IL18R1: variants seen among roughly 807,000 people sequenced by gnomAD.
IL18R1 encodes interleukin-18 receptor 1.
In IL18R1, 40 loss-of-function variants were observed where a neutral mutation model predicts 48.5. The observed-to-expected ratio is 0.82, with a 90% confidence interval of 0.64 to 1.07. The LOEUF is 1.07. Among genes scored for constraint, IL18R1 ranks in the 50% least tolerant of loss-of-function variants. The pLI is 0.00. For missense variants in IL18R1, 596 were observed against 633.7 expected (o/e 0.94, Z 0.64); for synonymous variants, 232 against 225.9 (o/e 1.03, Z -0.24).
In IL18R1 at chr2:102,395,372, A is replaced by G. The variant is rs1297271947; in HGVS notation, c.1270+745A>G. Among the ~76,000 whole-genome samples the G allele has an allele frequency of 2.6e-5, 4 of 152,232 alleles. No individual in the cohort carries two copies. The South Asian group carries it at 6.2e-4, about 24-fold the overall frequency. On this transcript the variant is annotated intron_variant, in intron 10 of 10. Coordinates refer to ENST00000233957, the MANE Select transcript of IL18R1 (RefSeq NM_003855.5). ...AAAAAAAAACAAATGTTTGATTATT[A>G]CCATCATTCATGTATTAATCTAATA...
chr2:102,388,220 T>C (rs933304967), intron 8 of IL18R1, among the ~76,000 whole-genome samples: 12 of 152,152 alleles, frequency 7.9e-5, no homozygotes, highest in African/African-American at 2.9e-4. Context: ...TAGAGCCGCC[T>C]CTCTACCATA....
At chr2:102,374,843 A>G (rs542211782) in intron 4 of IL18R1, among the ~76,000 whole-genome samples, 77 of 152,254 alleles carry the variant, frequency 5.1e-4, no homozygotes, top group African/African-American at 1.8e-3. Flanking sequence ...CACCAAGGAT[A>G]TTTAGCTAAA....
chr2:102,394,104 G>C (rs1201703258), intron 9 of IL18R1, among the ~76,000 whole-genome samples: 1 of 152,064 alleles, frequency 6.6e-6, no homozygotes, highest in Non-Finnish European at 1.5e-5. Context: ...TGTGATGGTG[G>C]TAGAATTAAA....
At chr2:102,365,573 G>T (rs72823669) in intron 2 of IL18R1, among the ~76,000 whole-genome samples, 24,451 of 152,084 alleles carry the variant, frequency 0.16, 2,128 homozygotes, top group African/African-American at 0.22. Context: ...GGGCCTGGAG[G>T]ATGGTGGCTT....
Position 102,376,012 on chromosome 2 carries a change from A to G in IL18R1, c.574A>G (p.Asn192Asp). The G allele has an allele frequency of 6.2e-7, 1 of 1,605,092 alleles. No homozygotes were observed. Among genetic ancestry groups the G allele is most frequent in the Non-Finnish European group, 8.5e-7 (1 of 1,176,754 alleles). ...CTCCTGCGTGCATTTCCTTCATCAT[A>G]ATGGAAAACTATTTAATATCACCAA... ...YYSCVHFLHH[N>D]GKLFNITKTF... is the part of the protein sequence containing the mutation. The change falls in exon 5 of 11, where the codon AAT becomes GAT. Residue 192 changes from asparagine to aspartate, a missense_variant. This residue lies in a region of IL18R1 where 360 missense variants were observed against 339.4 expected (regional missense o/e 1.06). Transcript: ENST00000233957.
At chr2:102,387,144 G>A (rs976275111) in intron 8 of IL18R1, 144 bp downstream of exon 8, 3 of 804,844 alleles carry the variant, frequency 3.7e-6, no homozygotes, top group Non-Finnish European at 6.0e-6. Flanking sequence ...CAGGCATTCA[G>A]TGGGGCCCCT....
Position 102,396,655 on chromosome 2 carries a change from G to A in IL18R1, c.1395G>A (p.Val465=), listed in dbSNP as rs1311455551. 4 of 1,613,028 alleles carry A rather than the reference G, an allele frequency of 2.5e-6. No homozygotes were observed. Among genetic ancestry groups the A allele is most frequent in the Admixed American group, 3.3e-5 (2 of 59,994 alleles). The part of the protein sequence containing the change: ...ELESGLHEAL[V]ERKIKIILIE... Reference sequence around the variant, plus strand: ...AAAGTGGACTCCATGAAGCATTGGTGGAAAGAAAAATTAAAATAATCTTAA... The same window carrying A: ...AAAGTGGACTCCATGAAGCATTGGTAGAAAGAAAAATTAAAATAATCTTAA... Residue 465 remains valine, a synonymous_variant, in exon 11 of 11, where the codon GTG becomes GTA. Transcript: ENST00000233957.
intron 1 of IL18R1, among the ~76,000 whole-genome samples, chr2:102,360,729 A>C (rs777097582): frequency 2.6e-5 from 4 of 152,238 alleles, no homozygotes; most frequent in Non-Finnish European, 5.9e-5. Context: ...AAGAAACTTA[A>C]GAGTTACGGA....
intron 5 of IL18R1, among the ~76,000 whole-genome samples, chr2:102,379,046 G>A (rs903585119): frequency 6.6e-6 from 1 of 152,264 alleles, no homozygotes; most frequent in Admixed American, 6.5e-5. Context: ...GGAAAGGTGT[G>A]ATACCTCTCC....
intron 6 of IL18R1, among the ~76,000 whole-genome samples, chr2:102,383,947 C>T (rs1009633285): frequency 6.6e-6 from 1 of 152,040 alleles, no homozygotes; most frequent in Non-Finnish European, 1.5e-5. Context: ...CTTCTATTAG[C>T]TGTCTTTTCT....
At chr2:102,361,050 A>G (rs1342715356) in intron 1 of IL18R1, among the ~76,000 whole-genome samples, 1 of 152,228 alleles carries the variant, frequency 6.6e-6, no homozygotes, top group Non-Finnish European at 1.5e-5. Flanking sequence ...ATTGAAACTC[A>G]GAGTTAACTT....
At chr2:102,394,681 T>G (rs1680730116) in intron 10 of IL18R1, 54 bp downstream of exon 10, 1 of 1,481,216 alleles carries the variant, frequency 6.8e-7, no homozygotes, top group Admixed American at 1.9e-5. Context: ...TTTTAAAAAA[T>G]GAATGAGCTA....
chr2:102,360,039 C>T (rs1166899191), intron 1 of IL18R1, among the ~76,000 whole-genome samples: 2 of 152,122 alleles, frequency 1.3e-5, no homozygotes, highest in Non-Finnish European at 2.9e-5. Flanking sequence ...GATTCAAATC[C>T]ACCCAGGCTG....
intron 8 of IL18R1, among the ~76,000 whole-genome samples, chr2:102,387,903 A>G (rs753566962): frequency 5.9e-5 from 9 of 152,128 alleles, no homozygotes; most frequent in Non-Finnish European, 1.0e-4. Flanking sequence ...AGAGACACAG[A>G]GAGACAGAGA....
At chr2:102,363,710 C>T (rs577954401) in intron 2 of IL18R1, among the ~76,000 whole-genome samples, 1 of 152,296 alleles carries the variant, frequency 6.6e-6, no homozygotes, top group South Asian at 2.1e-4. Flanking sequence ...TCCCAGCTGC[C>T]TGCCCTGAAG....
intron 5 of IL18R1, among the ~76,000 whole-genome samples, chr2:102,378,261 T>C (rs1056820010): frequency 6.6e-6 from 1 of 152,226 alleles, no homozygotes; most frequent in Non-Finnish European, 1.5e-5. Flanking sequence ...TCTGTGAGAC[T>C]GTGGCCTTGG....
intron 4 of IL18R1, 73 bp downstream of exon 4, chr2:102,372,191 C>T: frequency 8.0e-7 from 1 of 1,256,306 alleles, no homozygotes; most frequent in Non-Finnish European, 1.1e-6. Flanking sequence ...GGGCTGAGAG[C>T]TACCATTCTG....
intron 7 of IL18R1, 40 bp downstream of exon 7, chr2:102,385,038 T>C: frequency 9.1e-7 from 1 of 1,097,680 alleles, no homozygotes. Context: ...ATATACCATA[T>C]AACAATCATA....
chr2:102,372,018 GACAAGTA>G lies in IL18R1; in HGVS notation c.371_377del (p.Gln124LeufsTer13). The stretch of plus-strand genomic sequence containing the variant: ...AATAAACACAGCTGTTTCACTGAAA[GACAAGTA>G]ACTAGTAAAATTGTGGAAGTTAAAA... On this transcript the variant is annotated frameshift_variant, in exon 4 of 11. Coordinates refer to ENST00000233957, the MANE Select transcript of IL18R1 (RefSeq NM_003855.5). LOFTEE classifies it high-confidence loss of function. The G allele has an allele frequency of 6.3e-7, 1 of 1,594,256 alleles. No homozygotes were observed.
Sources: allele counts gnomAD v4.1 joint callset (sites outside exome capture counted in the v4.1 genomes callset), GRCh38; gene constraint gnomAD v4.1.1; regional missense constraint gnomAD v4.1.1; transcripts MANE v1.5; gene names NCBI Gene and HGNC (gene_info 2026-07-23, HGNC 2026-07-21).